Variants in CTNNA2 observed in about 807,000 individuals in gnomAD.
CTNNA2 encodes the protein catenin alpha-2.
CTNNA2 carries 42 observed loss-of-function variants against 101.0 expected under a neutral mutation model. That is an observed-to-expected ratio of 0.42 (90% CI 0.32 to 0.54). The LOEUF is 0.54. Ranked by LOEUF, CTNNA2 falls within the 20% of genes least tolerant of loss-of-function variation. The pLI, the probability that CTNNA2 is intolerant of heterozygous loss-of-function variation, is 0.14. For missense variants in CTNNA2, 871 were observed against 1,223.1 expected (o/e 0.71, Z 4.29); for synonymous variants, 450 against 456.4 (o/e 0.99, Z 0.18).
chr2:80,360,744 T>G (rs1268122305), intron 7 of CTNNA2, among the ~76,000 whole-genome samples: 2 of 152,080 alleles, frequency 1.3e-5, no homozygotes. Flanking sequence ...TTTTATTTTT[T>G]TAATGAAGTT....
intron 7 of CTNNA2, among the ~76,000 whole-genome samples, chr2:80,133,878 T>G (rs1217887233): frequency 6.6e-6 from 1 of 152,170 alleles, no homozygotes; most frequent in Admixed American, 6.5e-5. Flanking sequence ...AGACAGACTA[T>G]ATGTACTGAA....
chr2:80,543,341 T>C (rs1185561270), intron 9 of CTNNA2, among the ~76,000 whole-genome samples: 1 of 152,216 alleles, frequency 6.6e-6, no homozygotes, highest in African/African-American at 2.4e-5. Flanking sequence ...ATGCAGTATC[T>C]GTGAATGGTC....
At chr2:79,511,611 A>C (rs1247758450), upstream of CTNNA2, among the ~76,000 whole-genome samples, 6 of 152,124 alleles carry the variant, frequency 3.9e-5, no homozygotes, top group African/African-American at 1.4e-4. Flanking sequence ...AGGAATTTTT[A>C]AATTGGTAAA....
intron 7 of CTNNA2, among the ~76,000 whole-genome samples, chr2:79,953,951 G>A (rs1689049892): frequency 6.6e-6 from 1 of 152,136 alleles, no homozygotes; most frequent in South Asian, 2.1e-4. Context: ...ATAGAATATT[G>A]TATCAGTTCA....
chr2:80,023,183 T>C (rs144929363), intron 7 of CTNNA2, among the ~76,000 whole-genome samples: 1 of 152,340 alleles, frequency 6.6e-6, no homozygotes, highest in African/African-American at 2.4e-5. Flanking sequence ...TGTAATCTAG[T>C]TTAGCATTTT....
intron 4 of CTNNA2, among the ~76,000 whole-genome samples, chr2:79,410,423 A>G (rs1678395993): frequency 6.6e-6 from 1 of 151,178 alleles, no homozygotes. Flanking sequence ...ATTCAGTATG[A>G]TATTGGCTGT....
At chr2:79,195,252 C>T (rs187998897) in intron 1 of CTNNA2, among the ~76,000 whole-genome samples, 34 of 152,278 alleles carry the variant, frequency 2.2e-4, no homozygotes, top group Admixed American at 3.3e-4. Flanking sequence ...TAATTGCTCC[C>T]TCTACTACCT....
chr2:79,814,177 A>G (rs1475648002), intron 3 of CTNNA2, among the ~76,000 whole-genome samples: 1 of 152,136 alleles, frequency 6.6e-6, no homozygotes, highest in Non-Finnish European at 1.5e-5. Context: ...ATATGATTTC[A>G]TCGTGAGGTC....
intron 3 of CTNNA2, among the ~76,000 whole-genome samples, chr2:79,355,970 G>A (rs1677499870): frequency 6.6e-6 from 1 of 151,770 alleles, no homozygotes; most frequent in Non-Finnish European, 1.5e-5. Flanking sequence ...TGGAATTGCT[G>A]GGTTATAAGG....
Position 79,544,093 on chromosome 2 carries a change from A to T in CTNNA2, c.-6+30886A>T, listed in dbSNP as rs1673582703. Among the ~76,000 whole-genome samples, 5 of 152,140 alleles carry T rather than the reference A, an allele frequency of 3.3e-5. No individual in the cohort carries two copies. In the South Asian group the frequency reaches 1.0e-3, roughly 32 times the overall value. On this transcript the variant is annotated intron_variant, in intron 1 of 18. Coordinates refer to ENST00000402739, the MANE Select transcript of CTNNA2 (RefSeq NM_001282597.3). The stretch of plus-strand genomic sequence containing the variant: ...GCTGAGACTACAGGCGTGCGCCACC[A>T]CACTGGGCTAATTTTTGTATTTTTG...
chr2:80,012,416 G>A (rs949014649), intron 7 of CTNNA2, among the ~76,000 whole-genome samples: 2 of 152,132 alleles, frequency 1.3e-5, no homozygotes, highest in African/African-American at 2.4e-5. Context: ...TTGAGAAAAA[G>A]GGGGCTACAT....
At chr2:80,254,611 ATAT>A (rs1432735105) in intron 7 of CTNNA2, among the ~76,000 whole-genome samples, 2 of 152,098 alleles carry the variant, frequency 1.3e-5, no homozygotes, top group Non-Finnish European at 2.9e-5. Context: ...GAGCACCTTT[ATAT>A]TATCATAGCT....
At chr2:80,232,723 G>A (rs905810528) in intron 7 of CTNNA2, among the ~76,000 whole-genome samples, 2 of 152,042 alleles carry the variant, frequency 1.3e-5, no homozygotes, top group Admixed American at 1.3e-4. Flanking sequence ...CTTGGTTCAG[G>A]TCTCACATGA....
At chr2:79,438,087 C>T (rs1312928201) in intron 4 of CTNNA2, among the ~76,000 whole-genome samples, 1 of 140,718 alleles carries the variant, frequency 7.1e-6, no homozygotes, top group Non-Finnish European at 1.5e-5. Context: ...GCAGCAGTCA[C>T]TCATTCTTGC....
At chr2:79,611,982 AAGTTTAACGAGGTTGCTAG>A (rs1053932269) in intron 1 of CTNNA2, among the ~76,000 whole-genome samples, 9 of 152,126 alleles carry the variant, frequency 5.9e-5, no homozygotes, top group Admixed American at 5.9e-4. Context: ...ATAGACACCA[AAGTTTAACGAGGTTGCTAG>A]AACCCTGCAG....
At chr2:79,740,375 T>C (rs1365490723) in intron 2 of CTNNA2, among the ~76,000 whole-genome samples, 1 of 152,186 alleles carries the variant, frequency 6.6e-6, no homozygotes, top group African/African-American at 2.4e-5. Flanking sequence ...TCTTTACCCA[T>C]AGAAGAGCAT....
At chr2:79,424,827 C>T (rs1678576020) in intron 4 of CTNNA2, among the ~76,000 whole-genome samples, 1 of 152,018 alleles carries the variant, frequency 6.6e-6, no homozygotes, top group Non-Finnish European at 1.5e-5. Flanking sequence ...CATGGATGTC[C>T]TAATTAGGCA....
intron 7 of CTNNA2, among the ~76,000 whole-genome samples, chr2:80,187,827 A>T (rs1464396146): frequency 6.6e-6 from 1 of 152,196 alleles, no homozygotes; most frequent in East Asian, 1.9e-4. Flanking sequence ...CTAAAAAAAA[A>T]AAAAATGCTT....
At chr2:79,563,964 C>T (rs1674952043) in intron 1 of CTNNA2, among the ~76,000 whole-genome samples, 1 of 152,070 alleles carries the variant, frequency 6.6e-6, no homozygotes, top group African/African-American at 2.4e-5. Context: ...ATAATGGAGA[C>T]CATCTCCAGG....
Sources: gnomAD v4.1 joint callset for allele counts (sites outside exome capture counted in the v4.1 genomes callset) on GRCh38, gnomAD v4.1.1 for gene constraint, MANE v1.5 for transcripts, NCBI Gene and HGNC (gene_info 2026-07-23, HGNC 2026-07-21) for gene names.